Variants in NLN observed in about 807,000 individuals in gnomAD.
NLN encodes the protein neurolysin.
Under a neutral mutation model 79.9 loss-of-function variants are expected in NLN, and 64 were observed. The observed-to-expected ratio is 0.80, with a 90% CI of 0.65 to 0.99. NLN has a LOEUF of 0.99. Ranked by LOEUF, NLN falls within the 50% of genes least tolerant of loss-of-function variation. NLN has a pLI of 0.00. For synonymous variants in NLN, 267 were observed against 296.6 expected (o/e 0.90, Z 1.02); for missense variants, 835 against 858.7 (o/e 0.97, Z 0.34).
chr5:65,818,827 C>T (rs1400472055), intron 12 of NLN: 1 of 152,204 alleles, frequency 6.6e-6, no homozygotes. Flanking sequence ...GGCTGCCCTC[C>T]CCAGAGTCAT....
At chr5:65,769,376 G>T (rs1759519911) in intron 3 of NLN, among the ~76,000 whole-genome samples, 1 of 152,122 alleles carries the variant, frequency 6.6e-6, no homozygotes, top group Non-Finnish European at 1.5e-5. Context: ...TGACTTAATT[G>T]TACATTTGGA....
At chr5:65,753,387 G>A (rs1317059236) in intron 1 of NLN, among the ~76,000 whole-genome samples, 1 of 152,132 alleles carries the variant, frequency 6.6e-6, no homozygotes, top group Non-Finnish European at 1.5e-5. Context: ...GGTGGCTCAT[G>A]CCTGTAATCT....
At chr5:65,767,105 A>G (rs956298143) in intron 3 of NLN, among the ~76,000 whole-genome samples, 6 of 152,190 alleles carry the variant, frequency 3.9e-5, no homozygotes, top group Non-Finnish European at 8.8e-5. Context: ...GGAGGGCAGT[A>G]GCCCCCTTCT....
intron 7 of NLN, among the ~76,000 whole-genome samples, chr5:65,787,068 C>T (rs1006503155): frequency 1.3e-5 from 2 of 152,008 alleles, no homozygotes; most frequent in Non-Finnish European, 2.9e-5. Context: ...TTAGTAACCA[C>T]CTGATTAACT....
At chr5:65,809,762 C>G in intron 10 of NLN, 61 bp downstream of exon 10, 1 of 1,282,682 alleles carries the variant, frequency 7.8e-7, no homozygotes, top group South Asian at 1.5e-5. Flanking sequence ...GAATTGCTGT[C>G]ACCTTCTTCT....
chr5:65,724,310 G>A (rs1242733364), intron 1 of NLN, among the ~76,000 whole-genome samples: 2 of 151,986 alleles, frequency 1.3e-5, no homozygotes, highest in Non-Finnish European at 2.9e-5. Context: ...CTATGAATTT[G>A]AGTATTTCAG....
chr5:65,821,080 A>AAGGCAG (rs1405917942), intron 12 of NLN, among the ~76,000 whole-genome samples: 3 of 151,356 alleles, frequency 2.0e-5, no homozygotes, highest in African/African-American at 7.3e-5. Flanking sequence ...AAGAAAAGGA[A>AAGGCAG]AGGCAGAGGC....
intron 11 of NLN, among the ~76,000 whole-genome samples, chr5:65,810,992 GGTATTTGGGGGGAGAA>G (rs920167854): frequency 3.3e-5 from 5 of 152,012 alleles, no homozygotes; most frequent in African/African-American, 1.2e-4. Context: ...AAAAATAAAG[GGTATTTGGGGGGAGAA>G]GCATGAACTT....
chr5:65,753,219 A>G (rs1351336492), intron 1 of NLN, among the ~76,000 whole-genome samples: 1 of 152,220 alleles, frequency 6.6e-6, no homozygotes, highest in East Asian at 1.9e-4. Flanking sequence ...TTATTGTGTC[A>G]ATTAAAAACA....
chr5:65,799,796 A>C (rs890281908), intron 9 of NLN, among the ~76,000 whole-genome samples: 1 of 152,218 alleles, frequency 6.6e-6, no homozygotes, highest in African/African-American at 2.4e-5. Context: ...AAGATAAAGA[A>C]GGATGTCAAC....
At chr5:65,729,917 T>C (rs1446433776) in intron 1 of NLN, among the ~76,000 whole-genome samples, 1 of 152,238 alleles carries the variant, frequency 6.6e-6, no homozygotes, top group Non-Finnish European at 1.5e-5. Context: ...GTCGACTATA[T>C]AAATCTAGAA....
At chr5:65,812,511 C>CCTG in intron 12 of NLN, 120 bp downstream of exon 12, 1 of 650,184 alleles carries the variant, frequency 1.5e-6, no homozygotes, top group Non-Finnish European at 2.7e-6. Flanking sequence ...CAGCTTTTAC[C>CCTG]TCTGAGGCCC....
intron 12 of NLN, among the ~76,000 whole-genome samples, chr5:65,821,868 AT>A (rs1475001833): frequency 1.3e-5 from 2 of 152,222 alleles, no homozygotes; most frequent in Non-Finnish European, 2.9e-5. Context: ...GTTTGACTAA[AT>A]TTACCTCTGA....
chr5:65,784,699 T>C (rs900546861), intron 6 of NLN, among the ~76,000 whole-genome samples: 2 of 152,216 alleles, frequency 1.3e-5, no homozygotes, highest in African/African-American at 4.8e-5. Context: ...ATTCAGACCA[T>C]AGCATGTGGC....
intron 1 of NLN, among the ~76,000 whole-genome samples, chr5:65,736,181 AT>A (rs1758723962): frequency 6.6e-6 from 1 of 152,208 alleles, no homozygotes; most frequent in Non-Finnish European, 1.5e-5. Flanking sequence ...GCTTTTCTTT[AT>A]AAACATTACA....
chr5:65,785,865 G>C lies in NLN; in HGVS notation c.913G>C (p.Glu305Gln). The change falls in exon 7 of 13, where the codon GAA becomes CAA. Residue 305 changes from glutamate (E) to glutamine (Q), a missense_variant. By Grantham distance (29) the Glu-to-Gln change is conservative (BLOSUM62 2). Coordinates refer to ENST00000380985, the MANE Select transcript of NLN (RefSeq NM_020726.5). ...GYSTHADFVLEMNTAKSTSRV... is the reference protein window; with the variant it reads ...GYSTHADFVLQMNTAKSTSRV... ...TAGCACACATGCTGACTTCGTCCTT[G>C]AAATGAACACTGCAAAGAGCACAAG... The C allele has an allele frequency of 6.2e-7, 1 of 1,613,360 alleles. No homozygotes were observed. The highest frequency in any genetic ancestry group is 8.5e-7 in the Non-Finnish European group (1 of 1,179,850).
intron 1 of NLN, among the ~76,000 whole-genome samples, chr5:65,749,733 A>G (rs528445234): frequency 1.3e-5 from 2 of 152,350 alleles, no homozygotes; most frequent in South Asian, 4.1e-4. Flanking sequence ...TGTGACTTCT[A>G]TCTTAGTAAG....
At chr5:65,821,871 T>G (rs1760806895) in intron 12 of NLN, among the ~76,000 whole-genome samples, 1 of 152,262 alleles carries the variant, frequency 6.6e-6, no homozygotes, top group Admixed American at 6.5e-5. Context: ...TGACTAAATT[T>G]ACCTCTGATG....
intron 12 of NLN, among the ~76,000 whole-genome samples, chr5:65,814,524 T>C (rs973540540): frequency 1.3e-5 from 2 of 152,190 alleles, no homozygotes; most frequent in African/African-American, 4.8e-5. Context: ...TCAAGAAGTC[T>C]TTGAAATTAT....
Sources: gnomAD v4.1 joint callset for allele counts (sites outside exome capture counted in the v4.1 genomes callset) on GRCh38, gnomAD v4.1.1 for gene constraint, MANE v1.5 for transcripts, NCBI Gene and HGNC (gene_info 2026-07-23, HGNC 2026-07-21) for gene names.